ATG5: variants seen among roughly 807,000 people sequenced by gnomAD.
ATG5 encodes the protein autophagy related 5.
Under a neutral mutation model 36.5 loss-of-function variants are expected in ATG5, and 14 were observed. The observed-to-expected ratio is 0.38, with a 90% CI of 0.25 to 0.60. The LOEUF (loss-of-function observed/expected upper bound fraction) is 0.60, where lower values mean the gene tolerates loss of function less well. ATG5 is among the 20% of genes least tolerant of loss of function. The pLI, the probability that ATG5 is intolerant of heterozygous loss-of-function variation, is 0.60. For synonymous variants in ATG5, 95 were observed against 101.5 expected, an observed-to-expected ratio of 0.94 and a Z score of 0.38; for missense variants, 195 against 326.7, an observed-to-expected ratio of 0.60 and a Z score of 3.11.
At chr6:106,210,327 T>G (rs1776807206) in intron 6 of ATG5, among the ~76,000 whole-genome samples, 1 of 152,188 alleles carries the variant, frequency 6.6e-6, no homozygotes, top group Non-Finnish European at 1.5e-5. Context: ...AGATAATATA[T>G]ACTATAACAG....
At chr6:106,259,237 T>C (rs1778918060) in intron 5 of ATG5, among the ~76,000 whole-genome samples, 1 of 152,188 alleles carries the variant, frequency 6.6e-6, no homozygotes, top group Admixed American at 6.5e-5. Flanking sequence ...CTTTATTACC[T>C]ATAATTGGCT....
chr6:106,186,484 C>T lies in ATG5; in HGVS notation c.*56G>A. 1 of 1,592,724 alleles carries T rather than the reference C, an allele frequency of 6.3e-7. No homozygotes were observed. The highest frequency in any genetic ancestry group is 1.1e-5 in the South Asian group (1 of 90,082). The stretch of plus-strand genomic sequence containing the variant: ...AAACCTGATTGAAGCAAAAGGGTGA[C>T]ATGCTCTGATAAATCCCATTTAAGG... On this transcript the variant is annotated 3_prime_UTR_variant, in exon 8 of 8. Coordinates refer to ENST00000369076, the MANE Select transcript of ATG5 (RefSeq NM_004849.4).
chr6:106,233,419 C>T (rs996714390), intron 6 of ATG5, among the ~76,000 whole-genome samples: 1 of 152,104 alleles, frequency 6.6e-6, no homozygotes, highest in Non-Finnish European at 1.5e-5. Context: ...CTTTCCAGGC[C>T]CTAAAGAAGG....
chr6:106,202,021 T>G lies in ATG5; in HGVS notation c.642A>C (p.Thr214=). The stretch of plus-strand genomic sequence containing the variant: ...AAACTTCTTTGAGGAGATCTCCTAG[T>G]GTGTGCAACTGTCCATCTGCAGCCA... ...RPVAADGQLH[T]LGDLLKEVCP... Residue 214 remains threonine, a synonymous_variant, in exon 7 of 8, where the codon ACA becomes ACC. Transcript: ENST00000369076. 1 of 1,613,962 alleles carries G rather than the reference T, an allele frequency of 6.2e-7. No individual in the cohort carries two copies. Among genetic ancestry groups the G allele is most frequent in the Non-Finnish European group, 8.5e-7 (1 of 1,179,894 alleles).
chr6:106,210,174 G>A (rs1776802145), intron 6 of ATG5, among the ~76,000 whole-genome samples: 1 of 152,120 alleles, frequency 6.6e-6, no homozygotes, highest in Admixed American at 6.5e-5. Context: ...AGGAAAGGTG[G>A]GGACTCAAGA....
chr6:106,185,044 C>A lies in ATG5; in HGVS notation c.*1496G>T, dbSNP rs1775716591. 1 of 152,330 alleles carries A rather than the reference C, an allele frequency of 6.6e-6. No homozygotes were observed. Among genetic ancestry groups the A allele is most frequent in the South Asian group, 2.1e-4 (1 of 4,826 alleles). The allele number at this position is 152,330 out of a possible 1,614,324, so 9.4% of individuals were successfully genotyped here. ...GTTTACATCAACCAATTATTTTCTA[C>A]TTGCTTCTAAGTTTCTGAGATTGTA... On this transcript the variant is annotated 3_prime_UTR_variant, in exon 8 of 8. Coordinates refer to ENST00000369076, the MANE Select transcript of ATG5 (RefSeq NM_004849.4).
intron 5 of ATG5, 25 bp from the exon 6 acceptor site, chr6:106,248,269 A>T: frequency 6.6e-7 from 1 of 1,521,040 alleles, no homozygotes; most frequent in East Asian, 2.3e-5. Flanking sequence ...ATTATTTGTT[A>T]TTAAAAATGA....
In ATG5 at chr6:106,279,743, A is replaced by G; in HGVS notation, c.396T>C (p.Ala132=). ...CTTGACTTTTATGTTTTAAAGCATCAGCTTCTTTCATACATGACATAAAAT... is the reference window on the plus strand; with the variant it reads ...CTTGACTTTTATGTTTTAAAGCATCGGCTTCTTTCATACATGACATAAAAT... The part of the protein sequence containing the change: ...EAHFMSCMKE[A]DALKHKSQVI... Residue 132 remains alanine, a synonymous_variant, in exon 5 of 8, where the codon GCT becomes GCC. Transcript: ENST00000369076. 1 of 1,608,402 alleles carries G rather than the reference A, an allele frequency of 6.2e-7. No homozygotes were observed. Among genetic ancestry groups the G allele is most frequent in the South Asian group, 1.1e-5 (1 of 89,962 alleles).
intron 6 of ATG5, among the ~76,000 whole-genome samples, chr6:106,222,421 A>G (rs959196022): frequency 1.3e-5 from 2 of 152,308 alleles, no homozygotes; most frequent in East Asian, 3.9e-4. Flanking sequence ...GATTAGGAAA[A>G]TAACTTTCTG....
chr6:106,208,202 A>G (rs966555389), intron 6 of ATG5, among the ~76,000 whole-genome samples: 2 of 152,244 alleles, frequency 1.3e-5, no homozygotes, highest in African/African-American at 4.8e-5. Flanking sequence ...ACAGGAATAT[A>G]TACATATGTG....
At chr6:106,263,357 C>A (rs1047279281) in intron 5 of ATG5, among the ~76,000 whole-genome samples, 1 of 152,326 alleles carries the variant, frequency 6.6e-6, no homozygotes, top group South Asian at 2.1e-4. Context: ...GGCTAACAGA[C>A]AAAACCCCCA....
At chr6:106,187,416 TTGTAC>T (rs1775817489) in intron 7 of ATG5, among the ~76,000 whole-genome samples, 1 of 152,154 alleles carries the variant, frequency 6.6e-6, no homozygotes. Flanking sequence ...TTTTGGTGTG[TTGTAC>T]TGACAACTTT....
rs1582663430 is a variant in ATG5, at chr6:106,293,171, A to T, written c.237-65T>A. On this transcript the variant is annotated intron_variant, in intron 3 of 7. Transcript: ENST00000369076. Reference sequence around the variant, plus strand: ...AAAGTTATAACTACAAGGCCAAAATAAATTTCCAACACATATTTTAACACC... The same window carrying T: ...AAAGTTATAACTACAAGGCCAAAATTAATTTCCAACACATATTTTAACACC... The T allele has an allele frequency of 2.2e-6, 3 of 1,350,850 alleles. No homozygotes were observed. The East Asian group carries it at 7.0e-5, about 32-fold the overall frequency. 83.7% of individuals were successfully genotyped at this position (1,350,850 alleles called of 1,614,324 possible). A position where few individuals can be genotyped will look rare whatever the true frequency, so the allele number is the denominator to read the frequency against.
chr6:106,210,597 T>C (rs1776817241), intron 6 of ATG5, among the ~76,000 whole-genome samples: 2 of 152,184 alleles, frequency 1.3e-5, no homozygotes, highest in African/African-American at 4.8e-5. Flanking sequence ...GCATGATATT[T>C]AAAGCCAGTC....
At chr6:106,224,593 C>A (rs1777375198) in intron 6 of ATG5, among the ~76,000 whole-genome samples, 2 of 152,054 alleles carry the variant, frequency 1.3e-5, no homozygotes, top group Non-Finnish European at 2.9e-5. Flanking sequence ...ACCAGAAATA[C>A]GGCCAGGTGC....
rs6920431 is a variant in ATG5, at chr6:106,255,422, G to A, written c.479-7178C>T. Among the ~76,000 whole-genome samples, 639 of 152,174 alleles carry A rather than the reference G, an allele frequency of 4.2e-3. 5 individuals carry two copies. Among genetic ancestry groups the A allele is most frequent in the African/African-American group, 0.015 (609 of 41,528 alleles). On this transcript the variant is annotated intron_variant, in intron 5 of 7. Transcript: ENST00000369076. Reference sequence around the variant, plus strand: ...CTACCTCATGAAAACTCTGTAAATCGTTAAAAACTACTGCTTGGAAATTTA... The same window carrying A: ...CTACCTCATGAAAACTCTGTAAATCATTAAAAACTACTGCTTGGAAATTTA...
chr6:106,304,995 G>A (rs893194918), intron 3 of ATG5, among the ~76,000 whole-genome samples: 1 of 151,832 alleles, frequency 6.6e-6, no homozygotes, highest in African/African-American at 2.4e-5. Context: ...GGAGGCTGAG[G>A]CAGGAGAATC....
chr6:106,189,611 C>A (rs1405316857), intron 7 of ATG5, among the ~76,000 whole-genome samples: 2 of 146,826 alleles, frequency 1.4e-5, no homozygotes, highest in East Asian at 4.0e-4. Context: ...ACAAGTGAGA[C>A]CCTGTGTAAA....
chr6:106,305,340 C>T (rs144353459), intron 3 of ATG5, among the ~76,000 whole-genome samples: 6 of 152,224 alleles, frequency 3.9e-5, no homozygotes, highest in East Asian at 1.9e-4. Context: ...ACAAAGCCCC[C>T]GGTACTCTTC....
Sources: allele counts gnomAD v4.1 joint callset (sites outside exome capture counted in the v4.1 genomes callset), GRCh38; gene constraint gnomAD v4.1.1; transcripts MANE v1.5; gene names NCBI Gene and HGNC (gene_info 2026-07-23, HGNC 2026-07-21).